The following NR3C2 variants were observed in gnomAD, a reference collection of about 807,000 sequenced individuals.
NR3C2 encodes nuclear receptor subfamily 3 group C member 2.
NR3C2 carries 15 observed loss-of-function variants against 86.4 expected under a neutral mutation model. That is an observed-to-expected ratio of 0.17 (90% CI 0.12 to 0.27). The LOEUF (loss-of-function observed/expected upper bound fraction) is 0.27. Ranked by LOEUF, NR3C2 falls within the 10% of genes least tolerant of loss-of-function variation. The pLI is 1.00. For synonymous variants in NR3C2, 458 were observed against 450.5 expected (o/e 1.02, Z -0.21); for missense variants, 960 against 1,195.6 (o/e 0.80, Z 2.91).
intron 2 of NR3C2, among the ~76,000 whole-genome samples, chr4:148,275,260 T>C (rs1429936468): frequency 6.6e-6 from 1 of 152,188 alleles, no homozygotes; most frequent in Non-Finnish European, 1.5e-5. Context: ...AATAGATTTG[T>C]TAGGGTGGAA....
intron 6 of NR3C2, among the ~76,000 whole-genome samples, chr4:148,149,392 A>T (rs1560947024): frequency 6.6e-6 from 1 of 152,010 alleles, no homozygotes; most frequent in Non-Finnish European, 1.5e-5. Context: ...CTTTAAGTAC[A>T]TTATTCCCAG....
At chr4:148,274,087 GAAA>G (rs550801399) in intron 2 of NR3C2, among the ~76,000 whole-genome samples, 1 of 108,896 alleles carries the variant, frequency 9.2e-6, no homozygotes. Flanking sequence ...CAGCTCATGA[GAAA>G]AAAAAAAAAA....
chr4:148,354,816 T>C (rs1228556554), intron 2 of NR3C2, among the ~76,000 whole-genome samples: 1 of 152,116 alleles, frequency 6.6e-6, no homozygotes, highest in Non-Finnish European at 1.5e-5. Flanking sequence ...GGATATAGAA[T>C]TATCTTAATC....
At chr4:148,439,382 C>T (rs967768512) in intron 1 of NR3C2, among the ~76,000 whole-genome samples, 3 of 152,136 alleles carry the variant, frequency 2.0e-5, no homozygotes, top group Admixed American at 2.0e-4. Flanking sequence ...CATCTCTCCC[C>T]CCACACACCC....
At chr4:148,159,687 T>C (rs2149773344) in intron 4 of NR3C2, among the ~76,000 whole-genome samples, 1 of 152,350 alleles carries the variant, frequency 6.6e-6, no homozygotes, top group Non-Finnish European at 1.5e-5. Flanking sequence ...TCTAAACCTT[T>C]TCTCTTTATC....
chr4:148,288,883 T>C lies in NR3C2; in HGVS notation c.1758-28766A>G, dbSNP rs1341933313. Among the ~76,000 whole-genome samples, 3 of 151,996 alleles carry C rather than the reference T, an allele frequency of 2.0e-5. No individual in the cohort carries two copies. The East Asian group carries it at 5.8e-4, about 29-fold the overall frequency. On this transcript the variant is annotated intron_variant, in intron 2 of 8. Transcript: ENST00000358102. ...CCAGGCTTCCAGTGCAAGTTTCTGG[T>C]GGGAATAAGTTTAGTGCTAAAGGAA...
chr4:148,224,452 T>C (rs1738038686), intron 3 of NR3C2, among the ~76,000 whole-genome samples: 1 of 152,224 alleles, frequency 6.6e-6, no homozygotes, highest in South Asian at 2.1e-4. Context: ...GTCACATAAG[T>C]GTGCAGAATG....
At chr4:148,363,506 C>CTTTTTTTTTTTTTTTTTTTTTTTTTTT (rs58978966) in intron 2 of NR3C2, among the ~76,000 whole-genome samples, 1 of 110,772 alleles carries the variant, frequency 9.0e-6, no homozygotes, top group African/African-American at 3.5e-5. Flanking sequence ...TCATAGATCT[C>CTTTTTTTTTTTTTTTTTTTTTTTTTTT]TTTTTTTTTT....
chr4:148,358,212 G>T (rs1475737651), intron 2 of NR3C2, among the ~76,000 whole-genome samples: 1 of 152,016 alleles, frequency 6.6e-6, no homozygotes, highest in African/African-American at 2.4e-5. Context: ...CGAAGACTTG[G>T]AACCAACCCA....
At chr4:148,157,035 C>A (rs1734425866) in intron 4 of NR3C2, among the ~76,000 whole-genome samples, 1 of 151,246 alleles carries the variant, frequency 6.6e-6, no homozygotes, top group African/African-American at 2.4e-5. Context: ...AATCATCATT[C>A]TCAGTAAACT....
intron 2 of NR3C2, 24 bp downstream of exon 2, chr4:148,435,080 A>G (rs1183584988): frequency 6.2e-7 from 1 of 1,613,156 alleles, no homozygotes; most frequent in Non-Finnish European, 8.5e-7. Context: ...ATGACTTCCA[A>G]AAAAATGGAG....
intron 4 of NR3C2, among the ~76,000 whole-genome samples, chr4:148,188,812 G>A (rs1460029311): frequency 6.6e-6 from 1 of 151,962 alleles, no homozygotes; most frequent in Non-Finnish European, 1.5e-5. Flanking sequence ...TCTTGTTCCA[G>A]TTCTCAGAGG....
intron 2 of NR3C2, among the ~76,000 whole-genome samples, chr4:148,412,931 A>G (rs1041079233): frequency 1.3e-5 from 2 of 152,204 alleles, no homozygotes; most frequent in East Asian, 1.9e-4. Context: ...GCAGAAATAC[A>G]TATCACTTGA....
intron 4 of NR3C2, among the ~76,000 whole-genome samples, chr4:148,156,688 C>T (rs893481103): frequency 6.1e-5 from 8 of 130,246 alleles, no homozygotes; most frequent in Non-Finnish European, 1.1e-4. Context: ...GAAATAGGAA[C>T]ACTTTTACAC....
chr4:148,159,194 T>C (rs1294297565), intron 4 of NR3C2, among the ~76,000 whole-genome samples: 1 of 152,196 alleles, frequency 6.6e-6, no homozygotes, highest in Non-Finnish European at 1.5e-5. Flanking sequence ...TGCTTATGGG[T>C]ACTCAATAAA....
At chr4:148,085,990 C>T (rs1379330676) in intron 8 of NR3C2, among the ~76,000 whole-genome samples, 1 of 152,150 alleles carries the variant, frequency 6.6e-6, no homozygotes, top group African/African-American at 2.4e-5. Context: ...TAATTAATAG[C>T]CTACCAACCA....
chr4:148,197,797 G>A (rs1736509270), intron 3 of NR3C2, among the ~76,000 whole-genome samples: 1 of 152,146 alleles, frequency 6.6e-6, no homozygotes, highest in Admixed American at 6.5e-5. Context: ...TATATTTTTA[G>A]TTGTGTAAAC....
At chr4:148,352,126 A>C (rs1745312151) in intron 2 of NR3C2, among the ~76,000 whole-genome samples, 1 of 152,170 alleles carries the variant, frequency 6.6e-6, no homozygotes, top group African/African-American at 2.4e-5. Flanking sequence ...TTAAACAATG[A>C]GGATGTATTT....
intron 2 of NR3C2, among the ~76,000 whole-genome samples, chr4:148,351,728 G>A (rs983303132): frequency 6.6e-6 from 1 of 152,182 alleles, no homozygotes. Flanking sequence ...TTGAGTAAAT[G>A]AGTGAATAAA....
Sources: gnomAD v4.1 joint callset for allele counts (sites outside exome capture counted in the v4.1 genomes callset) on GRCh38, gnomAD v4.1.1 for gene constraint, MANE v1.5 for transcripts, NCBI Gene and HGNC (gene_info 2026-07-23, HGNC 2026-07-21) for gene names.